TMEM108: variants seen among roughly 807,000 people sequenced by gnomAD.
The protein encoded by TMEM108 is cancer/testis antigen 124.
In TMEM108, 12 loss-of-function variants were observed where a neutral mutation model predicts 35.1. That is an observed-to-expected ratio of 0.34 (90% CI 0.22 to 0.55). The LOEUF is 0.55. Ranked by LOEUF, TMEM108 falls within the 20% of genes least tolerant of loss-of-function variation. The pLI is 0.89. For missense variants in TMEM108, 680 were observed against 753.3 expected (o/e 0.90, Z 1.14); for synonymous variants, 287 against 308.6 (o/e 0.93, Z 0.73).
chr3:133,227,127 A>G (rs941705385), intron 2 of TMEM108, among the ~76,000 whole-genome samples: 2 of 151,932 alleles, frequency 1.3e-5, no homozygotes, highest in Admixed American at 6.6e-5. Context: ...GACATGGCCA[A>G]ACTATATCAG....
chr3:133,107,332 A>G (rs996018936), intron 2 of TMEM108, among the ~76,000 whole-genome samples: 1 of 151,986 alleles, frequency 6.6e-6, no homozygotes, highest in Non-Finnish European at 1.5e-5. Context: ...TCTTTTTCTA[A>G]TTAGTGGAGA....
chr3:133,226,319 G>A (rs1172115453), intron 2 of TMEM108, among the ~76,000 whole-genome samples: 1 of 152,144 alleles, frequency 6.6e-6, no homozygotes, highest in Admixed American at 6.5e-5. Context: ...AAAAAGACCT[G>A]GAAAGGCAAG....
intron 2 of TMEM108, among the ~76,000 whole-genome samples, chr3:133,173,193 C>G (rs1945156195): frequency 6.6e-6 from 1 of 152,108 alleles, no homozygotes; most frequent in Non-Finnish European, 1.5e-5. Context: ...TTTGGTTTGC[C>G]TCAGAAAAAT....
intron 3 of TMEM108, among the ~76,000 whole-genome samples, chr3:133,275,259 A>G (rs1946823414): frequency 1.3e-5 from 2 of 152,202 alleles, no homozygotes; most frequent in Non-Finnish European, 2.9e-5. Context: ...CACTAGAAAT[A>G]TAATAGGAAT....
intron 2 of TMEM108, among the ~76,000 whole-genome samples, chr3:133,219,771 A>T (rs1237410368): frequency 6.6e-6 from 1 of 152,102 alleles, no homozygotes; most frequent in African/African-American, 2.4e-5. Context: ...AAAATGTTTT[A>T]TGTGTGCTTG....
chr3:133,129,707 G>T (rs1944464945), intron 2 of TMEM108, among the ~76,000 whole-genome samples: 4 of 152,112 alleles, frequency 2.6e-5, no homozygotes, highest in Non-Finnish European at 5.9e-5. Context: ...GGCATGCTAA[G>T]TATTTTATAT....
intron 2 of TMEM108, among the ~76,000 whole-genome samples, chr3:133,222,711 C>T (rs1946010324): frequency 6.6e-6 from 1 of 151,970 alleles, no homozygotes; most frequent in African/African-American, 2.4e-5. Context: ...TTTTCAGCTC[C>T]AGAATTGTCT....
chr3:133,109,994 A>G (rs1401318602), intron 2 of TMEM108, among the ~76,000 whole-genome samples: 1 of 152,126 alleles, frequency 6.6e-6, no homozygotes, highest in African/African-American at 2.4e-5. Flanking sequence ...CCCTTCTGGA[A>G]CCCTTACAGG....
chr3:133,159,796 T>G (rs1344986841), intron 2 of TMEM108, among the ~76,000 whole-genome samples: 1 of 152,194 alleles, frequency 6.6e-6, no homozygotes, highest in Non-Finnish European at 1.5e-5. Context: ...CCTCTCTTCT[T>G]TAACTGCTAC....
chr3:133,299,340 G>A (rs1251712182), intron 3 of TMEM108, among the ~76,000 whole-genome samples: 1 of 152,158 alleles, frequency 6.6e-6, no homozygotes, highest in Admixed American at 6.5e-5. Flanking sequence ...CTTCAACCTT[G>A]ATGTTTTGAC....
At chr3:133,240,826 T>A (rs938425069) in intron 3 of TMEM108, among the ~76,000 whole-genome samples, 3 of 152,224 alleles carry the variant, frequency 2.0e-5, no homozygotes, top group African/African-American at 7.2e-5. Context: ...TTTCATGTGT[T>A]GAAAATCCCT....
At position 133,304,824 on chromosome 3, in the gene TMEM108, G is replaced by T. The variant is rs1285985631; in HGVS notation, c.41-74928G>T. ...AGGCCTGGTGCAGTGGCTCATGCCT[G>T]TAATCCCAGCACTTTGGGAGGCTGA... On this transcript the variant is annotated intron_variant, in intron 3 of 5. Coordinates refer to ENST00000321871, the MANE Select transcript of TMEM108 (RefSeq NM_023943.4). Among the ~76,000 whole-genome samples, 2 of 152,148 alleles carry T rather than the reference G, an allele frequency of 1.3e-5. 1 individual carries two copies. The highest frequency in any genetic ancestry group is 4.8e-5 in the African/African-American group (2 of 41,408).
At chr3:133,318,065 A>C (rs1197786854) in intron 3 of TMEM108, among the ~76,000 whole-genome samples, 1 of 152,250 alleles carries the variant, frequency 6.6e-6, no homozygotes, top group Non-Finnish European at 1.5e-5. Context: ...CAAGTGAAGC[A>C]GACTGTGGGA....
intron 2 of TMEM108, among the ~76,000 whole-genome samples, chr3:133,060,815 A>G (rs990001270): frequency 6.6e-6 from 1 of 152,226 alleles, no homozygotes; most frequent in African/African-American, 2.4e-5. Context: ...ATACATGCAC[A>G]GAGATACCCA....
intron 2 of TMEM108, among the ~76,000 whole-genome samples, chr3:133,197,871 A>G (rs1403009646): frequency 6.6e-6 from 1 of 152,186 alleles, no homozygotes; most frequent in Admixed American, 6.5e-5. Flanking sequence ...CTGTAATCAA[A>G]TGACTGGTCC....
At chr3:133,327,198 A>C (rs75199408) in intron 3 of TMEM108, among the ~76,000 whole-genome samples, 1,816 of 152,340 alleles carry the variant, frequency 0.012, 10 homozygotes, top group Middle Eastern at 0.024. Context: ...GAATTTATAA[A>C]GAATGATTGA....
chr3:133,078,928 G>A (rs1943777378), intron 2 of TMEM108, among the ~76,000 whole-genome samples: 1 of 152,166 alleles, frequency 6.6e-6, no homozygotes, highest in Admixed American at 6.6e-5. Flanking sequence ...GCTCAAAACT[G>A]TAAGGGTGTT....
At chr3:133,216,442 A>AT (rs1945910199) in intron 2 of TMEM108, among the ~76,000 whole-genome samples, 2 of 152,054 alleles carry the variant, frequency 1.3e-5, no homozygotes, top group African/African-American at 4.8e-5. Flanking sequence ...TCCCTTGCAT[A>AT]TTTTTTATGG....
At chr3:133,362,759 T>C (rs1046870777) in intron 3 of TMEM108, among the ~76,000 whole-genome samples, 3 of 152,172 alleles carry the variant, frequency 2.0e-5, no homozygotes, top group African/African-American at 7.2e-5. Flanking sequence ...CTCTTGCTGC[T>C]TCTCTCTTGC....
Sources: allele counts gnomAD v4.1 joint callset (sites outside exome capture counted in the v4.1 genomes callset), GRCh38; gene constraint gnomAD v4.1.1; transcripts MANE v1.5; gene names NCBI Gene and HGNC (gene_info 2026-07-23, HGNC 2026-07-21).